The following NOX4 variants were observed in gnomAD, a reference collection of about 807,000 sequenced individuals.
NOX4 encodes the protein NADPH oxidase 4.
A neutral mutation model predicts 87.6 loss-of-function variants in NOX4; 69 were observed. The observed-to-expected ratio is 0.79, with a 90% CI of 0.65 to 0.96. NOX4 has a LOEUF of 0.96. Ranked by LOEUF, NOX4 falls within the 40% of genes least tolerant of loss-of-function variation. The probability of loss-of-function intolerance (pLI) is 0.00; values close to 1 mark genes in which losing one functional copy is unlikely to be tolerated. For synonymous variants in NOX4, 275 were observed against 238.2 expected (o/e 1.15, Z -1.42); for missense variants, 680 against 681.5 (o/e 1.00, Z 0.02).
At chr11:89,438,185 G>A (rs1177773931) in intron 6 of NOX4, among the ~76,000 whole-genome samples, 3 of 146,674 alleles carry the variant, frequency 2.0e-5, no homozygotes, top group Non-Finnish European at 4.5e-5. Flanking sequence ...CTGCTTATAA[G>A]AAGTATTAGT....
At position 89,337,499 on chromosome 11, in the gene NOX4, C is replaced by G. The variant is rs750171064; in HGVS notation, c.1463G>C (p.Arg488Thr). 18 of 1,611,948 alleles carry G rather than the reference C, an allele frequency of 1.1e-5. No homozygotes were observed. Among genetic ancestry groups the G allele is most frequent in the Admixed American group, 1.7e-5 (1 of 59,796 alleles). ...MLHNKFWQEN[R>T]PDYVNIQLYL... The stretch of plus-strand genomic sequence containing the variant: ...CAGCTGGATGTTGACATAGTCAGGT[C>G]TGTTCTCTTGCCAAAACTGAGAGGA... Residue 488 changes from arginine to threonine, a missense_variant, in exon 16 of 18, where the codon AGA (arginine) becomes ACA (threonine). By Grantham distance (71) the Arg-to-Thr change is moderately conservative. Coordinates refer to ENST00000263317, the MANE Select transcript of NOX4 (RefSeq NM_016931.5).
At chr11:89,429,960 A>G (rs1404170796) in intron 7 of NOX4, among the ~76,000 whole-genome samples, 1 of 152,190 alleles carries the variant, frequency 6.6e-6, no homozygotes, top group African/African-American at 2.4e-5. Context: ...CCTCAATAAA[A>G]TACTGGCAAA....
At chr11:89,524,330 A>G in the NOX4 span, among the ~76,000 whole-genome samples, 3 of 152,184 alleles carry the variant, frequency 2.0e-5, no homozygotes, top group African/African-American at 7.2e-5. Flanking sequence ...TCAAAGGAAA[A>G]CTATGTAATT....
the NOX4 span, among the ~76,000 whole-genome samples, chr11:89,563,743 T>C: frequency 6.6e-6 from 1 of 152,204 alleles, no homozygotes; most frequent in Non-Finnish European, 1.5e-5. Context: ...AATGAATTTA[T>C]ATGAGTGAAA....
intron 2 of NOX4, among the ~76,000 whole-genome samples, chr11:89,465,965 C>T (rs771155442): frequency 3.9e-5 from 6 of 152,126 alleles, no homozygotes; most frequent in Non-Finnish European, 8.8e-5. Context: ...AACTAAAGAA[C>T]TTCTGCACAG....
rs373162078 is a variant in NOX4 at position 89,337,402 on chromosome 11, A to G, written c.1515+45T>C. 3.1e-6 allele frequency: 5 copies of G among 1,609,366 alleles called. No individual in the cohort carries two copies. The African/African-American group carries it at 4.0e-5, about 13-fold the overall frequency. On this transcript the variant is annotated intron_variant, in intron 16 of 17. Coordinates refer to ENST00000263317, the MANE Select transcript of NOX4 (RefSeq NM_016931.5). ...CCACCACAGCTCCTACAGTAAATCT[A>G]TTATCAAGAGGCTTGTTTAATTTAC... is the stretch of plus-strand genomic sequence containing the variant.
At chr11:89,336,078 T>C in intron 16 of NOX4, 133 bp from the exon 17 acceptor site, 1 of 463,840 alleles carries the variant, frequency 2.2e-6, no homozygotes, top group Non-Finnish European at 4.0e-6. Context: ...AATGGCAACC[T>C]ATCACGTACA....
At chr11:89,353,302 C>G (rs975009918) in intron 13 of NOX4, among the ~76,000 whole-genome samples, 1 of 152,114 alleles carries the variant, frequency 6.6e-6, no homozygotes, top group Non-Finnish European at 1.5e-5. Flanking sequence ...CCAACTGATG[C>G]AGCAAACTTC....
intron 12 of NOX4, among the ~76,000 whole-genome samples, chr11:89,359,520 C>CA (rs995319386): frequency 5.4e-5 from 8 of 147,776 alleles, no homozygotes; most frequent in South Asian, 2.1e-4. Context: ...CTTACCACTA[C>CA]AAAAAAAAGA....
chr11:89,547,505 T>C, the NOX4 span, among the ~76,000 whole-genome samples: 3 of 152,332 alleles, frequency 2.0e-5, no homozygotes, highest in Non-Finnish European at 4.4e-5. Context: ...TCCCTGAAAC[T>C]ACAATATCTA....
chr11:89,371,999 T>G (rs1410125162), intron 12 of NOX4, among the ~76,000 whole-genome samples: 1 of 151,910 alleles, frequency 6.6e-6, no homozygotes, highest in Non-Finnish European at 1.5e-5. Context: ...ATATTATTTT[T>G]TTTAACTCTA....
intron 2 of NOX4, among the ~76,000 whole-genome samples, chr11:89,453,699 T>C (rs1026744514): frequency 1.3e-5 from 2 of 152,202 alleles, no homozygotes; most frequent in African/African-American, 4.8e-5. Flanking sequence ...GTCTTCCTTC[T>C]TAAAAAATAA....
At chr11:89,434,441 C>T (rs1439111393) in intron 6 of NOX4, among the ~76,000 whole-genome samples, 1 of 151,958 alleles carries the variant, frequency 6.6e-6, no homozygotes, top group Admixed American at 6.6e-5. Context: ...AAAAGTACTT[C>T]CTTTTTCATG....
rs1945212014 is a variant in NOX4 at position 89,326,105 on chromosome 11, A to C, written c.*651T>G. ...GCATATTTCCCTAGAGAGAGGAATA[A>C]AAAGAAAAAAATATATAAAAATAGA... On this transcript the variant is annotated 3_prime_UTR_variant, in exon 18 of 18. Coordinates refer to ENST00000263317, the MANE Select transcript of NOX4 (RefSeq NM_016931.5). 6.6e-6 allele frequency: 1 copy of C among 151,648 alleles called. No individual in the cohort carries two copies. Among genetic ancestry groups the C allele is most frequent in the Non-Finnish European group, 1.5e-5 (1 of 67,896 alleles). The allele number at this position is 151,648 out of a possible 1,614,324, so 9.4% of individuals were successfully genotyped here.
In NOX4 at chr11:89,491,348, A is replaced by G; in HGVS notation, c.-102T>C. ...AGTTGTGCGGCCTGCCGGGCCGCTG[A>G]GCGAGGACCGAGGGTCAAAGACTGA... On this transcript the variant is annotated 5_prime_UTR_variant, in exon 1 of 18. Coordinates refer to ENST00000263317, the MANE Select transcript of NOX4 (RefSeq NM_016931.5). 2.7e-6 allele frequency: 3 copies of G among 1,104,922 alleles called. No individual in the cohort carries two copies. Among genetic ancestry groups the G allele is most frequent in the Non-Finnish European group, 2.6e-6 (2 of 782,758 alleles). The allele number at this position is 1,104,922 out of a possible 1,614,324, so 68.4% of individuals were successfully genotyped here. A position where few individuals can be genotyped will look rare whatever the true frequency, so the allele number is the denominator to read the frequency against.
chr11:89,396,127 T>C (rs1179267667), intron 11 of NOX4, among the ~76,000 whole-genome samples: 1 of 152,204 alleles, frequency 6.6e-6, no homozygotes, highest in Non-Finnish European at 1.5e-5. Context: ...TGATTCTTCC[T>C]GTCCATGAGC....
chr11:89,475,882 G>A (rs1400923294), intron 2 of NOX4, among the ~76,000 whole-genome samples: 1 of 151,894 alleles, frequency 6.6e-6, no homozygotes, highest in East Asian at 1.9e-4. Flanking sequence ...CTGGTTCGCT[G>A]GTGATATCAT....
Position 89,326,722 on chromosome 11 carries a change from C to T in NOX4, c.*34G>A. ...CAAAGTCTTAGAAATTGCACTCATT[C>T]CTTCTTTAGAGTCCTGCTTCATGGC... On this transcript the variant is annotated 3_prime_UTR_variant, in exon 18 of 18. Transcript: ENST00000263317. 1 of 1,599,362 alleles carries T rather than the reference C, an allele frequency of 6.3e-7. No homozygotes were observed. The highest frequency in any genetic ancestry group is 1.3e-5 in the African/African-American group (1 of 74,422).
intron 12 of NOX4, among the ~76,000 whole-genome samples, chr11:89,364,715 C>A (rs1440878372): frequency 6.6e-6 from 1 of 152,090 alleles, no homozygotes; most frequent in African/African-American, 2.4e-5. Flanking sequence ...ATTTTCTGAA[C>A]TATACCAAAA....
Sources: gnomAD v4.1 joint callset for allele counts (sites outside exome capture counted in the v4.1 genomes callset) on GRCh38, gnomAD v4.1.1 for gene constraint, MANE v1.5 for transcripts, NCBI Gene and HGNC (gene_info 2026-07-23, HGNC 2026-07-21) for gene names.